The following HIPK3 variants were observed in gnomAD, a reference collection of about 807,000 sequenced individuals.
The protein encoded by HIPK3 is homeodomain interacting protein kinase 3.
HIPK3 carries 47 observed loss-of-function variants against 124.2 expected under a neutral mutation model. The ratio of observed to expected loss-of-function variants is 0.38; its 90% CI spans 0.30 to 0.48. The LOEUF (loss-of-function observed/expected upper bound fraction) is 0.48. HIPK3 is among the 20% of genes least tolerant of loss of function. The probability of loss-of-function intolerance (pLI) is 0.98; values close to 1 mark genes in which losing one functional copy is unlikely to be tolerated. For synonymous variants in HIPK3, 482 were observed against 515.2 expected, an observed-to-expected ratio of 0.94 and a Z score of 0.87; for missense variants, 1,286 against 1,454.3, an observed-to-expected ratio of 0.88 and a Z score of 1.88.
intron 2 of HIPK3, among the ~76,000 whole-genome samples, chr11:33,313,842 TTTTA>T (rs1273658858): frequency 1.3e-5 from 2 of 152,126 alleles, no homozygotes; most frequent in Admixed American, 6.6e-5. Flanking sequence ...TTTATTTTAT[TTTTA>T]TTTATTTATT....
intron 1 of HIPK3, among the ~76,000 whole-genome samples, chr11:33,263,261 A>G (rs1235883122): frequency 6.6e-6 from 1 of 152,200 alleles, no homozygotes; most frequent in Non-Finnish European, 1.5e-5. Flanking sequence ...GAGACTGGAC[A>G]GTAGAAGGGA....
At chr11:33,337,023 TG>T in intron 3 of HIPK3, 51 bp from the exon 4 acceptor site, 1 of 1,355,630 alleles carries the variant, frequency 7.4e-7, no homozygotes, top group Non-Finnish European at 1.0e-6. Flanking sequence ...CTGACTTAAG[TG>T]TTCTGTCACA....
intron 2 of HIPK3, among the ~76,000 whole-genome samples, chr11:33,307,400 G>GC (rs1852193556): frequency 7.8e-6 from 1 of 128,864 alleles, no homozygotes; most frequent in Non-Finnish European, 1.6e-5. Flanking sequence ...TTTATGAAGT[G>GC]TTTTTTTTTT....
At chr11:33,257,928 G>A (rs1195730086) in intron 1 of HIPK3, 39 bp downstream of exon 1, 1 of 985,552 alleles carries the variant, frequency 1.0e-6, no homozygotes, top group Middle Eastern at 5.2e-4. Context: ...ACCCCGGGGT[G>A]GGGGGATCGG....
intron 2 of HIPK3, among the ~76,000 whole-genome samples, chr11:33,308,797 C>CTA (rs201385398): frequency 3.3e-4 from 45 of 135,710 alleles, no homozygotes; most frequent in African/African-American, 1.2e-3. Context: ...CATTTTAGTT[C>CTA]TATATATATA....
At chr11:33,313,810 G>A (rs534699718) in intron 2 of HIPK3, among the ~76,000 whole-genome samples, 188 of 151,972 alleles carry the variant, frequency 1.2e-3, no homozygotes, top group Non-Finnish European at 1.6e-3. Context: ...ACAAGTACCC[G>A]GTCTTATGGT....
intron 1 of HIPK3, among the ~76,000 whole-genome samples, chr11:33,284,435 A>G (rs1851493806): frequency 6.6e-6 from 1 of 152,220 alleles, no homozygotes; most frequent in African/African-American, 2.4e-5. Flanking sequence ...GTTTCAGGAA[A>G]GGCTTCAGCA....
rs1853816446 is a variant in HIPK3 at position 33,356,373 on chromosome 11, A to G, written c.*2805A>G. ...AAAGTAATCTGGATTTATACCTTTT[A>G]AAAACCATTTTGACCAGTTTTCTTC... is the stretch of plus-strand genomic sequence containing the variant. On this transcript the variant is annotated 3_prime_UTR_variant, in exon 17 of 17. Transcript: ENST00000303296. 1 of 152,074 alleles carries G rather than the reference A, an allele frequency of 6.6e-6. No individual in the cohort carries two copies. Among genetic ancestry groups the G allele is most frequent in the African/African-American group, 2.4e-5 (1 of 41,448 alleles). 9.4% of individuals were successfully genotyped at this position (152,074 alleles called of 1,614,324 possible).
At chr11:33,257,254 CGCCGCG>C, upstream of HIPK3, 1 of 983,580 alleles carries the variant, frequency 1.0e-6, no homozygotes, top group Non-Finnish European at 1.2e-6. Flanking sequence ...TTCACGGAGG[CGCCGCG>C]GCCGGAGCGG....
chr11:33,294,248 T>G (rs933525307), intron 2 of HIPK3, among the ~76,000 whole-genome samples: 6 of 151,802 alleles, frequency 4.0e-5, no homozygotes, highest in Admixed American at 1.3e-4. Context: ...ACTTTTACAT[T>G]GAAATTATCT....
At position 33,292,892 on chromosome 11, in the gene HIPK3, C is replaced by T. The variant is rs754635871; in HGVS notation, c.1097+5381C>T. Among the ~76,000 whole-genome samples, 36 of 152,276 alleles carry T rather than the reference C, an allele frequency of 2.4e-4. No homozygotes were observed. The Middle Eastern group carries it at 0.01, about 43-fold the overall frequency. On this transcript the variant is annotated intron_variant, in intron 2 of 16. Coordinates refer to ENST00000303296, the MANE Select transcript of HIPK3 (RefSeq NM_005734.5). ...CTGGGACTACAGGCGCCCGCCACCA[C>T]GCCTGGCTAATTTGTTTTGTATTTT...
At chr11:33,338,942 A>G in intron 5 of HIPK3, 99 bp downstream of exon 5, 1 of 738,364 alleles carries the variant, frequency 1.4e-6, no homozygotes. Context: ...AAATGGCTAC[A>G]GAGTCCATGC....
chr11:33,287,729 A>G (rs1012620959), intron 2 of HIPK3, among the ~76,000 whole-genome samples: 4 of 152,182 alleles, frequency 2.6e-5, no homozygotes, highest in African/African-American at 9.7e-5. Context: ...TCCATGCCAA[A>G]GACATCTGGT....
At chr11:33,299,365 G>A (rs1288695038) in intron 2 of HIPK3, among the ~76,000 whole-genome samples, 3 of 151,748 alleles carry the variant, frequency 2.0e-5, no homozygotes, top group African/African-American at 7.3e-5. Context: ...TCAGCTACTC[G>A]GGAGGCTGAG....
chr11:33,276,539 C>T (rs189208522), intron 1 of HIPK3, among the ~76,000 whole-genome samples: 6 of 152,146 alleles, frequency 3.9e-5, no homozygotes, highest in East Asian at 1.9e-4. Context: ...TCTTGGGGTA[C>T]GTGGCAAATA....
chr11:33,331,530 C>T (rs1020544257), intron 3 of HIPK3, among the ~76,000 whole-genome samples: 2 of 152,110 alleles, frequency 1.3e-5, no homozygotes, highest in African/African-American at 4.8e-5. Flanking sequence ...TGTGCACCAG[C>T]ATGCCTGACT....
intron 2 of HIPK3, among the ~76,000 whole-genome samples, chr11:33,295,294 C>G (rs1851813458): frequency 1.5e-5 from 2 of 132,306 alleles, no homozygotes; most frequent in African/African-American, 2.8e-5. Flanking sequence ...CCCCACAACT[C>G]CACCCCATCC....
At chr11:33,257,943 G>C (rs1850710541) in intron 1 of HIPK3, 54 bp downstream of exon 1, 2 of 985,174 alleles carry the variant, frequency 2.0e-6, no homozygotes, top group Admixed American at 6.1e-5. Flanking sequence ...GATCGGCTCC[G>C]TCTGCGGGCT....
intron 1 of HIPK3, among the ~76,000 whole-genome samples, chr11:33,268,618 TA>T (rs368978453): frequency 2.2e-5 from 3 of 135,980 alleles, no homozygotes; most frequent in Admixed American, 2.2e-4. Flanking sequence ...AAAAAAAAAT[TA>T]AAAAAAGAAT....
Sources: allele counts gnomAD v4.1 joint callset (sites outside exome capture counted in the v4.1 genomes callset), GRCh38; gene constraint gnomAD v4.1.1; transcripts MANE v1.5; gene names NCBI Gene and HGNC (gene_info 2026-07-23, HGNC 2026-07-21).